RPS6KC1: variants seen among roughly 807,000 people sequenced by gnomAD.
RPS6KC1 encodes ribosomal protein S6 kinase C1, also known as inactive ribosomal protein S6 kinase delta-1.
Under a neutral mutation model 103.8 loss-of-function variants are expected in RPS6KC1, and 54 were observed. The ratio of observed to expected loss-of-function variants is 0.52; its 90% CI spans 0.42 to 0.65. The LOEUF (loss-of-function observed/expected upper bound fraction) is 0.65. Among genes scored for constraint, RPS6KC1 ranks in the 30% least tolerant of loss-of-function variants. RPS6KC1 has a pLI of 0.00. For missense variants in RPS6KC1, 1,151 were observed against 1,253.8 expected (o/e 0.92, Z 1.24); for synonymous variants, 439 against 438.7 (o/e 1.00, Z -0.01).
the RPS6KC1 span, among the ~76,000 whole-genome samples, chr1:213,626,807 C>T: frequency 3.3e-5 from 5 of 152,258 alleles, no homozygotes; most frequent in South Asian, 8.3e-4. Context: ...GGTACCAGTA[C>T]CATGCTGTTT....
At chr1:213,854,565 T>TTTCTTC in the RPS6KC1 span, among the ~76,000 whole-genome samples, 1 of 62,736 alleles carries the variant, frequency 1.6e-5, no homozygotes, top group Non-Finnish European at 3.7e-5. Flanking sequence ...TCTTTCTTTC[T>TTTCTTC]CTCTCTCTCT....
At chr1:213,804,619 T>C in the RPS6KC1 span, among the ~76,000 whole-genome samples, 1 of 152,244 alleles carries the variant, frequency 6.6e-6, no homozygotes, top group East Asian at 1.9e-4. Flanking sequence ...TGTCCCCTTC[T>C]AGCATACAAT....
chr1:213,757,709 G>A, the RPS6KC1 span, among the ~76,000 whole-genome samples: 8 of 152,166 alleles, frequency 5.3e-5, no homozygotes, highest in Admixed American at 3.9e-4. Context: ...AGACAAACTC[G>A]CCTTCTATTG....
chr1:213,056,855 C>CTT (rs75002124), intron 1 of RPS6KC1, among the ~76,000 whole-genome samples: 218 of 129,136 alleles, frequency 1.7e-3, no homozygotes, highest in Middle Eastern at 7.8e-3. Flanking sequence ...TTCCGGGAAG[C>CTT]TTTTTTTTTT....
the RPS6KC1 span, among the ~76,000 whole-genome samples, chr1:213,293,747 T>C: frequency 7.9e-5 from 12 of 151,262 alleles, no homozygotes; most frequent in Non-Finnish European, 1.8e-4. Flanking sequence ...TTGGAAAATA[T>C]CAAATTTTAA....
At chr1:213,617,226 C>T in the RPS6KC1 span, among the ~76,000 whole-genome samples, 1 of 152,158 alleles carries the variant, frequency 6.6e-6, no homozygotes, top group South Asian at 2.1e-4. Flanking sequence ...GCATAATTTC[C>T]CTTCTGTGCT....
the RPS6KC1 span, among the ~76,000 whole-genome samples, chr1:213,858,983 T>G: frequency 6.6e-6 from 1 of 152,224 alleles, no homozygotes; most frequent in Non-Finnish European, 1.5e-5. Flanking sequence ...AGGCTGGTGA[T>G]GCCAAATATG....
chr1:213,656,057 C>T, the RPS6KC1 span, among the ~76,000 whole-genome samples: 1 of 152,196 alleles, frequency 6.6e-6, no homozygotes, highest in Non-Finnish European at 1.5e-5. Flanking sequence ...TCCTGCCAGG[C>T]ATTACTGTAA....
At chr1:213,235,114 C>G (rs2094193771) in intron 10 of RPS6KC1, among the ~76,000 whole-genome samples, 1 of 152,250 alleles carries the variant, frequency 6.6e-6, no homozygotes, top group Middle Eastern at 3.4e-3. Flanking sequence ...GAAAGCAAAC[C>G]TTGAACAGTT....
intron 1 of RPS6KC1, among the ~76,000 whole-genome samples, chr1:213,063,053 T>G (rs1203992406): frequency 1.3e-5 from 2 of 152,208 alleles, no homozygotes. Flanking sequence ...TTTGGGTCTT[T>G]TCTTTGTTTT....
At chr1:213,680,502 GA>G in the RPS6KC1 span, among the ~76,000 whole-genome samples, 1 of 152,164 alleles carries the variant, frequency 6.6e-6, no homozygotes. Flanking sequence ...CTTGCAAAAG[GA>G]CTGTCAGAAC....
chr1:213,689,892 C>T, the RPS6KC1 span, among the ~76,000 whole-genome samples: 1 of 152,320 alleles, frequency 6.6e-6, no homozygotes, highest in Non-Finnish European at 1.5e-5. Context: ...GACATACACT[C>T]AATGTATGGT....
the RPS6KC1 span, among the ~76,000 whole-genome samples, chr1:213,566,458 T>TGGATA: frequency 3.0e-5 from 1 of 32,972 alleles, no homozygotes; most frequent in Non-Finnish European, 5.7e-5. Flanking sequence ...TTTTTTTTTT[T>TGGATA]TTTTTTTTTT....
chr1:213,308,502 T>C, the RPS6KC1 span, among the ~76,000 whole-genome samples: 1 of 152,146 alleles, frequency 6.6e-6, no homozygotes, highest in African/African-American at 2.4e-5. Context: ...ATATTTAGCA[T>C]TTACAATTAT....
the RPS6KC1 span, among the ~76,000 whole-genome samples, chr1:213,541,440 G>T: frequency 6.6e-6 from 1 of 152,014 alleles, no homozygotes; most frequent in Admixed American, 6.5e-5. Flanking sequence ...CTTGCCCAAT[G>T]CAGGGTTGCC....
At chr1:213,502,139 C>T in the RPS6KC1 span, among the ~76,000 whole-genome samples, 1 of 152,158 alleles carries the variant, frequency 6.6e-6, no homozygotes, top group African/African-American at 2.4e-5. Flanking sequence ...GATTATTTCC[C>T]AGCAACTTTC....
the RPS6KC1 span, among the ~76,000 whole-genome samples, chr1:213,452,234 A>G: frequency 6.6e-6 from 1 of 152,078 alleles, no homozygotes; most frequent in East Asian, 1.9e-4. Context: ...TAATTTACAA[A>G]CCAAAGCAAA....
chr1:213,642,870 A>G, the RPS6KC1 span, among the ~76,000 whole-genome samples: 1 of 151,900 alleles, frequency 6.6e-6, no homozygotes, highest in Admixed American at 6.6e-5. Context: ...TTTGTGAATA[A>G]TGTATGGTAG....
the RPS6KC1 span, among the ~76,000 whole-genome samples, chr1:213,321,232 T>C: frequency 1.3e-5 from 2 of 152,210 alleles, no homozygotes; most frequent in Non-Finnish European, 2.9e-5. Flanking sequence ...TGTGATGGTA[T>C]AAGTTTTTCT....
Sources: gnomAD v4.1 joint callset for allele counts (sites outside exome capture counted in the v4.1 genomes callset) on GRCh38, gnomAD v4.1.1 for gene constraint, MANE v1.5 for transcripts, NCBI Gene and HGNC (gene_info 2026-07-23, HGNC 2026-07-21) for gene names.